Variants in SLIT1 observed in about 807,000 individuals in gnomAD.
SLIT1 encodes slit guidance ligand 1.
A neutral mutation model predicts 186.1 loss-of-function variants in SLIT1; 66 were observed. That is an observed-to-expected ratio of 0.35 (90% CI 0.29 to 0.44). SLIT1 has a LOEUF of 0.44. Among genes scored for constraint, SLIT1 ranks in the 20% least tolerant of loss-of-function variants. The pLI is 1.00. For missense variants in SLIT1, 1,638 were observed against 2,037.4 expected (o/e 0.80, Z 3.77); for synonymous variants, 761 against 833.8 (o/e 0.91, Z 1.50).
At chr10:97,119,876 A>C in intron 4 of SLIT1, among the ~76,000 whole-genome samples, 1 of 141,362 alleles carries the variant, frequency 7.1e-6, no homozygotes, top group Non-Finnish European at 1.5e-5. Flanking sequence ...TTAGTCTTGA[A>C]AGTTTAGGAG....
At chr10:97,051,554 G>A (rs1230356676) in intron 13 of SLIT1, among the ~76,000 whole-genome samples, 1 of 152,222 alleles carries the variant, frequency 6.6e-6, no homozygotes, top group Non-Finnish European at 1.5e-5. Flanking sequence ...GCTCACGCCT[G>A]TAATCCCAGC....
intron 4 of SLIT1, among the ~76,000 whole-genome samples, chr10:97,131,442 A>G (rs1306713808): frequency 1.3e-5 from 2 of 152,188 alleles, no homozygotes; most frequent in Non-Finnish European, 1.5e-5. Flanking sequence ...GACCAGGAGT[A>G]CTACAGGCAC....
At chr10:97,015,651 AAG>A (rs1266361857) in intron 28 of SLIT1, among the ~76,000 whole-genome samples, 1 of 152,240 alleles carries the variant, frequency 6.6e-6, no homozygotes, top group African/African-American at 2.4e-5. Context: ...CCATCTCATT[AAG>A]AGAGATACAG....
intron 4 of SLIT1, among the ~76,000 whole-genome samples, chr10:97,150,031 C>T (rs187849946): frequency 1.2e-4 from 19 of 152,288 alleles, no homozygotes; most frequent in African/African-American, 4.6e-4. Flanking sequence ...AGGAACATCT[C>T]AATATCTTGA....
intron 4 of SLIT1, among the ~76,000 whole-genome samples, chr10:97,127,168 G>A (rs995232698): frequency 1.2e-4 from 18 of 151,902 alleles, no homozygotes; most frequent in South Asian, 6.2e-4. Flanking sequence ...GGTGGCGGGC[G>A]CCTGTAATCC....
intron 4 of SLIT1, among the ~76,000 whole-genome samples, chr10:97,077,749 A>C (rs1308203971): frequency 6.6e-6 from 1 of 152,170 alleles, no homozygotes; most frequent in East Asian, 1.9e-4. Flanking sequence ...TCCTAAGAGA[A>C]TGATAAGATT....
chr10:97,029,162 C>T (rs1345165230), intron 25 of SLIT1, among the ~76,000 whole-genome samples: 7 of 152,130 alleles, frequency 4.6e-5, no homozygotes, highest in African/African-American at 1.7e-4. Flanking sequence ...CAAAGGGCAA[C>T]ACCTGTTACT....
At position 97,010,880 on chromosome 10, in the gene SLIT1, A is replaced by G; in HGVS notation, c.3341+113T>C. ...AGCCACGGTTAAAACCCCAGCATCC[A>G]ACTTCCAGGCTCTGACCCACACCCC... On this transcript the variant is annotated intron_variant, in intron 31 of 36. Coordinates refer to ENST00000266058, the MANE Select transcript of SLIT1 (RefSeq NM_003061.3). This position sits in a 1 kb window ranked among gnomAD's most constrained non-coding sequence, Gnocchi z 4.8. 1 of 1,029,186 alleles carries G rather than the reference A, an allele frequency of 9.7e-7. No individual in the cohort carries two copies. The highest frequency in any genetic ancestry group is 1.6e-5 in the South Asian group (1 of 61,780). 63.8% of individuals were successfully genotyped at this position (1,029,186 alleles called of 1,614,324 possible). A position where few individuals can be genotyped will look rare whatever the true frequency, so the allele number is the denominator to read the frequency against.
chr10:97,185,364 C>T (rs1048084872), intron 1 of SLIT1, 114 bp downstream of exon 1: 3 of 1,042,098 alleles, frequency 2.9e-6, no homozygotes, highest in Admixed American at 4.8e-5. Flanking sequence ...CGTCTGTGGG[C>T]TGCGGAGCCC....
At chr10:97,166,623 G>GAAAGAAAGAAAAA (rs3979552) in intron 1 of SLIT1, among the ~76,000 whole-genome samples, 3 of 42,678 alleles carry the variant, frequency 7.0e-5, no homozygotes, top group Non-Finnish European at 1.4e-4. Context: ...AAGAAAGAAA[G>GAAAGAAAGAAAAA]AGAAAAGAAA....
chr10:97,148,991 G>A (rs937770316), intron 4 of SLIT1, among the ~76,000 whole-genome samples: 7 of 152,206 alleles, frequency 4.6e-5, no homozygotes, highest in Admixed American at 4.6e-4. Flanking sequence ...GTAAGTGCAG[G>A]GCACACCGCG....
At position 97,138,218 on chromosome 10, in the gene SLIT1, T is replaced by C. The variant is rs116282496; in HGVS notation, c.413+19600A>G. ...CTGATTGCGGAACCAATCTACCAAG[T>C]ACACCAGTGGCCAATTATATTTGGG... On this transcript the variant is annotated intron_variant, in intron 4 of 36. Coordinates refer to ENST00000266058, the MANE Select transcript of SLIT1 (RefSeq NM_003061.3). Among the ~76,000 whole-genome samples the C allele has an allele frequency of 4.9e-3, 739 of 152,362 alleles. 10 individuals carry two copies. The highest frequency in any genetic ancestry group is 0.015 in the African/African-American group (623 of 41,584).
chr10:97,144,123 G>A (rs149803047), intron 4 of SLIT1, among the ~76,000 whole-genome samples: 1,926 of 152,064 alleles, frequency 0.013, 20 homozygotes, highest in Non-Finnish European at 0.018. Context: ...TCTTGAACCC[G>A]GGAGGTGGAG....
chr10:97,142,052 G>A (rs1049840782), intron 4 of SLIT1, among the ~76,000 whole-genome samples: 11 of 151,898 alleles, frequency 7.2e-5, no homozygotes, highest in African/African-American at 9.7e-5. Flanking sequence ...ATCCTCCCAC[G>A]TGGGCCTCCC....
At chr10:97,057,506 C>T (rs907717209) in intron 11 of SLIT1, among the ~76,000 whole-genome samples, 1 of 152,262 alleles carries the variant, frequency 6.6e-6, no homozygotes, top group Non-Finnish European at 1.5e-5. Flanking sequence ...GCTAGAGATG[C>T]CCCTGACTCC....
chr10:97,018,488 A>C (rs992179907), intron 28 of SLIT1, 98 bp downstream of exon 28: 1 of 716,952 alleles, frequency 1.4e-6, no homozygotes, highest in African/African-American at 1.8e-5. Context: ...CACAGGGCAC[A>C]GGAGGCCTGG....
At chr10:97,117,249 T>C (rs923774848) in intron 4 of SLIT1, among the ~76,000 whole-genome samples, 9 of 151,608 alleles carry the variant, frequency 5.9e-5, no homozygotes, top group African/African-American at 2.2e-4. Context: ...GAATAAAGCA[T>C]GTGAAGTGGG....
chr10:97,157,202 C>T (rs1303094519), intron 4 of SLIT1: 1 of 152,206 alleles, frequency 6.6e-6, no homozygotes, highest in Non-Finnish European at 1.5e-5. Flanking sequence ...CTTAGATAAT[C>T]TCAAAGGTCT....
chr10:97,158,487 C>G (rs193260679), intron 3 of SLIT1, among the ~76,000 whole-genome samples: 2 of 151,848 alleles, frequency 1.3e-5, no homozygotes, highest in South Asian at 4.2e-4. Context: ...CATGGTGAAA[C>G]CCCGTCTCTA....
Sources: allele counts gnomAD v4.1 joint callset (sites outside exome capture counted in the v4.1 genomes callset), GRCh38; gene constraint gnomAD v4.1.1; non-coding constraint Gnocchi (gnomAD v3.1); transcripts MANE v1.5; gene names NCBI Gene and HGNC (gene_info 2026-07-23, HGNC 2026-07-21).